The following RTF2 variants were observed in gnomAD, a reference collection of about 807,000 sequenced individuals.
RTF2 encodes the protein replication termination factor 2, also known as UPF0549 protein C20orf43.
In RTF2, 18 loss-of-function variants were observed where a neutral mutation model predicts 38.0. That is an observed-to-expected ratio of 0.47 (90% CI 0.33 to 0.70). The LOEUF (loss-of-function observed/expected upper bound fraction) is 0.70. Among genes scored for constraint, RTF2 ranks in the 30% least tolerant of loss-of-function variants. RTF2 has a pLI of 0.02. For missense variants in RTF2, 311 were observed against 379.6 expected (o/e 0.82, Z 1.50); for synonymous variants, 126 against 137.1 (o/e 0.92, Z 0.57).
chr20:56,478,605 A>G (rs1982375092), intron 4 of RTF2, among the ~76,000 whole-genome samples: 2 of 152,226 alleles, frequency 1.3e-5, no homozygotes, highest in South Asian at 2.1e-4. Flanking sequence ...AATGCTAGCA[A>G]TCACCTGAAC....
intron 1 of RTF2, among the ~76,000 whole-genome samples, chr20:56,470,331 A>G (rs576444178): frequency 2.0e-5 from 3 of 152,342 alleles, no homozygotes; most frequent in African/African-American, 7.2e-5. Flanking sequence ...AAGAGGGTAG[A>G]AAAGAAGGAA....
Position 56,499,798 on chromosome 20 carries a change from G to A in RTF2, c.478-13517G>A, listed in dbSNP as rs369736742. On this transcript the variant is annotated intron_variant, in intron 5 of 8. Transcript: ENST00000357348. Reference sequence around the variant, plus strand: ...GTCACCCAGGCTGGAGTGAAGTGGCGCAGTCTCAGCTCACTGCAACCTCTG... The same window carrying A: ...GTCACCCAGGCTGGAGTGAAGTGGCACAGTCTCAGCTCACTGCAACCTCTG... Among the ~76,000 whole-genome samples the A allele has an allele frequency of 1.0e-3, 153 of 151,776 alleles. 1 individual carries two copies. The highest frequency in any genetic ancestry group is 3.3e-3 in the African/African-American group (137 of 41,428).
At chr20:56,484,731 G>GAGCT (rs2146328000) in intron 5 of RTF2, among the ~76,000 whole-genome samples, 1 of 152,370 alleles carries the variant, frequency 6.6e-6, no homozygotes, top group East Asian at 1.9e-4. Context: ...CTAGACATGA[G>GAGCT]AGCTAGCCTC....
intron 8 of RTF2, 142 bp downstream of exon 8, chr20:56,517,343 T>A: frequency 1.5e-6 from 1 of 664,476 alleles, no homozygotes; most frequent in Non-Finnish European, 2.6e-6. Flanking sequence ...TGAACTCTCT[T>A]TAGGGGGGTA....
Position 56,517,210 on chromosome 20 carries a change from T to C in RTF2, c.742+9T>C, listed in dbSNP as rs780863272. On this transcript the variant is annotated intron_variant, in intron 8 of 8. Coordinates refer to ENST00000357348, the MANE Select transcript of RTF2 (RefSeq NM_016407.5). ...GGCTCCCAAAAGCACAGGTGGGTCC[T>C]GTTGTAGCTACAGGGAGCTGTTTCG... 1.9e-6 allele frequency: 3 copies of C among 1,610,614 alleles called. No individual in the cohort carries two copies. In the South Asian group the frequency reaches 3.3e-5, roughly 18 times the overall value.
At position 56,494,264 on chromosome 20, in the gene RTF2, G is replaced by T. The variant is rs142618673; in HGVS notation, c.477+10075G>T. ...GAACTTTCTGAAGTATTTACTTTTA[G>T]GGAATGAGGACTTTGTTAGGATTTA... On this transcript the variant is annotated intron_variant, in intron 5 of 8. Transcript: ENST00000357348. Among the ~76,000 whole-genome samples the T allele has an allele frequency of 1.2e-4, 19 of 152,278 alleles. No individual in the cohort carries two copies. In the East Asian group the frequency reaches 2.9e-3, roughly 23 times the overall value.
chr20:56,484,283 C>A, intron 5 of RTF2, 94 bp downstream of exon 5: 2 of 1,092,318 alleles, frequency 1.8e-6, no homozygotes, highest in Non-Finnish European at 2.8e-6. Context: ...TTTCTGAAAT[C>A]AGCTCTCATA....
intron 5 of RTF2, among the ~76,000 whole-genome samples, chr20:56,511,260 G>A (rs532999552): frequency 2.0e-5 from 3 of 152,280 alleles, no homozygotes; most frequent in Admixed American, 6.5e-5. Flanking sequence ...AGCCACAGGC[G>A]AGAGAACATT....
In RTF2 at chr20:56,476,251, TA is replaced by T. The variant is rs771726972; in HGVS notation, c.259-733del. Among the ~76,000 whole-genome samples, 11 of 152,282 alleles carry T rather than the reference TA, an allele frequency of 7.2e-5. 2 individuals carry two copies. The South Asian group carries it at 1.2e-3, about 17-fold the overall frequency. On this transcript the variant is annotated intron_variant, in intron 3 of 8. Coordinates refer to ENST00000357348, the MANE Select transcript of RTF2 (RefSeq NM_016407.5). ...TGTCTATTCAATGATTTTATATATA[TA>T]TTTTTTTGTTTTTGCTTTTTTCAAC...
intron 1 of RTF2, among the ~76,000 whole-genome samples, chr20:56,469,793 C>T (rs1426627795): frequency 6.6e-6 from 1 of 152,144 alleles, no homozygotes; most frequent in African/African-American, 2.4e-5. Context: ...ATCTTCTGCC[C>T]CTCTCCACCT....
chr20:56,489,917 G>A (rs754487279), intron 5 of RTF2, among the ~76,000 whole-genome samples: 7 of 152,230 alleles, frequency 4.6e-5, no homozygotes, highest in Non-Finnish European at 2.9e-5. Flanking sequence ...CTTTGGGGGC[G>A]CCGTGTTTGC....
At chr20:56,506,627 C>T (rs1984289184) in intron 5 of RTF2, among the ~76,000 whole-genome samples, 1 of 152,050 alleles carries the variant, frequency 6.6e-6, no homozygotes, top group Non-Finnish European at 1.5e-5. Context: ...TTTGCTTTTT[C>T]GTTTAACTTA....
chr20:56,508,172 A>G (rs1025751424), intron 5 of RTF2, among the ~76,000 whole-genome samples: 11 of 152,308 alleles, frequency 7.2e-5, no homozygotes, highest in Non-Finnish European at 8.8e-5. Flanking sequence ...CCTGAAAATC[A>G]CTGTTGGAGA....
chr20:56,481,168 A>AT (rs1568694233), intron 4 of RTF2, among the ~76,000 whole-genome samples: 1 of 152,186 alleles, frequency 6.6e-6, no homozygotes, highest in Non-Finnish European at 1.5e-5. Context: ...GAAAGGTAGC[A>AT]TTTTTTATTA....
chr20:56,515,746 C>T (rs962529431), intron 6 of RTF2: 2 of 151,990 alleles, frequency 1.3e-5, no homozygotes, highest in Non-Finnish European at 2.9e-5. Flanking sequence ...TTCCCTTTGA[C>T]CATTTTGCTT....
At chr20:56,500,642 A>G (rs1983867979) in intron 5 of RTF2, among the ~76,000 whole-genome samples, 1 of 152,162 alleles carries the variant, frequency 6.6e-6, no homozygotes. Flanking sequence ...CCTTGGTTCC[A>G]TCAGCACCAG....
rs372609630 is a variant in RTF2 at position 56,512,032 on chromosome 20, C to T, written c.478-1283C>T. Among the ~76,000 whole-genome samples, 5 of 152,100 alleles carry T rather than the reference C, an allele frequency of 3.3e-5. No homozygotes were observed. In the East Asian group the frequency reaches 5.8e-4, roughly 18 times the overall value. ...ACAGTTTTTGTATTTTTAGCAGAGA[C>T]GGGGTTTCACCATATTGGTCAGGCT... On this transcript the variant is annotated intron_variant, in intron 5 of 8. Coordinates refer to ENST00000357348, the MANE Select transcript of RTF2 (RefSeq NM_016407.5).
Position 56,488,230 on chromosome 20 carries a change from G to A in RTF2, c.477+4041G>A, listed in dbSNP as rs566145503. ...ACAAAAATTAGCTGGGCTTGGTGGT[G>A]CATGCCTGTAGTCCGAACTACTTAG... On this transcript the variant is annotated intron_variant, in intron 5 of 8. Transcript: ENST00000357348. Among the ~76,000 whole-genome samples the A allele has an allele frequency of 1.8e-4, 28 of 152,192 alleles. 1 individual carries two copies. The highest frequency in any genetic ancestry group is 7.2e-4 in the Admixed American group (11 of 15,294).
At chr20:56,479,720 T>A (rs1248728952) in intron 4 of RTF2, among the ~76,000 whole-genome samples, 2 of 152,198 alleles carry the variant, frequency 1.3e-5, no homozygotes, top group African/African-American at 4.8e-5. Flanking sequence ...GTTGTTGTGT[T>A]AGCAGCCATG....
Sources: allele counts gnomAD v4.1 joint callset (sites outside exome capture counted in the v4.1 genomes callset), GRCh38; gene constraint gnomAD v4.1.1; transcripts MANE v1.5; gene names NCBI Gene and HGNC (gene_info 2026-07-23, HGNC 2026-07-21).